Variants in NHSL2 observed in about 807,000 individuals in gnomAD.
NHSL2 encodes NHS-like protein 2.
NHSL2 carries 27 observed loss-of-function variants against 53.4 expected under a neutral mutation model. That is an observed-to-expected ratio of 0.51 (90% CI 0.37 to 0.70). The LOEUF (loss-of-function observed/expected upper bound fraction) is 0.70, where lower values mean the gene tolerates loss of function less well. NHSL2 is among the 30% of genes least tolerant of loss of function. The pLI, the probability that NHSL2 is intolerant of heterozygous loss-of-function variation, is 0.00. For missense variants in NHSL2, 892 were observed against 980.1 expected, an observed-to-expected ratio of 0.91 and a Z score of 1.20; for synonymous variants, 408 against 404.1, an observed-to-expected ratio of 1.01 and a Z score of -0.12.
chrX:72,045,257 A>C (rs1220810504), intron 1 of NHSL2, among the ~76,000 whole-genome samples: 4 of 112,355 alleles, frequency 3.6e-5, no homozygotes, highest in Non-Finnish European at 1.9e-5. Flanking sequence ...GCAGGGGAGC[A>C]GGGTGAAATA....
At chrX:72,063,585 A>G (rs1367646749) in intron 1 of NHSL2, among the ~76,000 whole-genome samples, 1 of 111,839 alleles carries the variant, frequency 8.9e-6, no homozygotes. Flanking sequence ...AATTCAATCC[A>G]ATTCACAGAT....
At chrX:71,954,093 A>G (rs1268230359) in intron 1 of NHSL2, among the ~76,000 whole-genome samples, 3 of 112,332 alleles carry the variant, frequency 2.7e-5, no homozygotes, top group Non-Finnish European at 3.8e-5. Context: ...CCATTATGTT[A>G]CAGGCATTCC....
chrX:71,930,484 A>G (rs1363909560), intron 1 of NHSL2, among the ~76,000 whole-genome samples: 1 of 112,703 alleles, frequency 8.9e-6, no homozygotes, highest in Non-Finnish European at 1.9e-5. Context: ...CATCACCACA[A>G]TCAATTTTAG....
At chrX:71,943,596 A>G (rs1448147559) in intron 1 of NHSL2, among the ~76,000 whole-genome samples, 1 of 112,131 alleles carries the variant, frequency 8.9e-6, no homozygotes. Flanking sequence ...AGTCCTTTCC[A>G]TTTGGTTACT....
chrX:72,106,137 G>A (rs188580885), intron 1 of NHSL2, among the ~76,000 whole-genome samples: 6 of 111,031 alleles, frequency 5.4e-5, no homozygotes, highest in Non-Finnish European at 1.1e-4. Flanking sequence ...TGAACCCCGG[G>A]GGGGCAGAGC....
intron 1 of NHSL2, among the ~76,000 whole-genome samples, chrX:72,115,773 C>T (rs946184345): frequency 9.0e-6 from 1 of 111,553 alleles, no homozygotes; most frequent in South Asian, 3.7e-4. Flanking sequence ...TTCCTGGCCA[C>T]TGTAAGGGCT....
intron 1 of NHSL2, among the ~76,000 whole-genome samples, chrX:72,076,272 T>C (rs1343803352): frequency 9.0e-6 from 1 of 111,658 alleles, no homozygotes; most frequent in Non-Finnish European, 1.9e-5. Flanking sequence ...CATATTATTA[T>C]TTTTGCATGG....
At chrX:72,130,126 G>C in intron 1 of NHSL2, 2 of 1,210,817 alleles carry the variant, frequency 1.7e-6, no homozygotes, top group Non-Finnish European at 2.2e-6. Flanking sequence ...AACAAAGGTC[G>C]GCTCCATCTC....
In NHSL2 at chrX:72,143,337, C is replaced by T; in HGVS notation, c.3441C>T (p.Asn1147=). Residue 1147 remains asparagine (N), a synonymous_variant, in exon 8 of 8, where the codon AAC becomes AAT. Coordinates refer to ENST00000633930, the MANE Select transcript of NHSL2 (RefSeq NM_001013627.3). ...GRTSSHSPIK[N]TAESPISEST... ...CGAGTTCCCACTCACCAATAAAGAA[C>T]ACAGCTGAGTCTCCAATCAGTGAGT... 8.6e-7 allele frequency: 1 copy of T among 1,166,314 alleles called. No homozygotes were observed. The highest frequency in any genetic ancestry group is 1.1e-6 in the Non-Finnish European group (1 of 871,770).
rs1235095981 is a variant in NHSL2, at chrX:72,131,139, G to T, written c.281-940G>T. The T allele has an allele frequency of 6.7e-6, 8 of 1,189,710 alleles. No homozygotes were observed. The African/African-American group carries it at 1.4e-4, about 21-fold the overall frequency. Reference sequence around the variant, plus strand: ...GTTGCGGGGGCGGTTCCTTTGACGCGGGCGGAGGCAGCGCCGGCGGGGGCG... The same window carrying T: ...GTTGCGGGGGCGGTTCCTTTGACGCTGGCGGAGGCAGCGCCGGCGGGGGCG... On this transcript the variant is annotated intron_variant, in intron 1 of 7. Transcript: ENST00000633930.
chrX:72,102,432 TA>T (rs2042002768), intron 1 of NHSL2, among the ~76,000 whole-genome samples: 1 of 111,814 alleles, frequency 8.9e-6, no homozygotes, highest in Non-Finnish European at 1.9e-5. Context: ...ATTTCCTGTA[TA>T]TATAATCTTA....
At chrX:72,110,461 T>G (rs763171241) in intron 1 of NHSL2, among the ~76,000 whole-genome samples, 1 of 110,356 alleles carries the variant, frequency 9.1e-6, no homozygotes, top group Non-Finnish European at 1.9e-5. Context: ...AATGAGTAAA[T>G]TTATGAAGGA....
intron 1 of NHSL2, among the ~76,000 whole-genome samples, chrX:72,126,211 G>A (rs1014354463): frequency 4.5e-5 from 5 of 111,854 alleles, no homozygotes; most frequent in African/African-American, 1.6e-4. Flanking sequence ...ACCAGGGTTT[G>A]TTTCCCCCAC....
intron 1 of NHSL2, among the ~76,000 whole-genome samples, chrX:72,090,447 T>G (rs1193415965): frequency 8.9e-6 from 1 of 112,115 alleles, no homozygotes; most frequent in Non-Finnish European, 1.9e-5. Context: ...ATGGACATCT[T>G]TCTATGGCAG....
chrX:72,028,738 C>T (rs2042199080), intron 1 of NHSL2, among the ~76,000 whole-genome samples: 1 of 112,276 alleles, frequency 8.9e-6, no homozygotes, highest in South Asian at 3.7e-4. Flanking sequence ...AACATTACCT[C>T]AGCCACTGGG....
chrX:72,050,647 A>T (rs1462324389), intron 1 of NHSL2, among the ~76,000 whole-genome samples: 1 of 111,359 alleles, frequency 9.0e-6, no homozygotes, highest in East Asian at 2.8e-4. Context: ...TAATCCCAGC[A>T]CTTTGGGAGC....
At chrX:72,057,411 A>G (rs1162616043) in intron 1 of NHSL2, among the ~76,000 whole-genome samples, 2 of 111,950 alleles carry the variant, frequency 1.8e-5, no homozygotes, top group Non-Finnish European at 3.8e-5. Flanking sequence ...TCCATAGATC[A>G]TATTCTGTTT....
intron 1 of NHSL2, among the ~76,000 whole-genome samples, chrX:71,913,945 G>A (rs763806234): frequency 8.9e-6 from 1 of 112,858 alleles, no homozygotes; most frequent in Non-Finnish European, 1.9e-5. Context: ...CATCTTCAAG[G>A]TTACAGGGGT....
chrX:71,953,314 A>C (rs1323314766), intron 1 of NHSL2, among the ~76,000 whole-genome samples: 1 of 112,338 alleles, frequency 8.9e-6, no homozygotes, highest in Non-Finnish European at 1.9e-5. Flanking sequence ...GTGGGAGTCC[A>C]TCTCGTGCTT....
Sources: gnomAD v4.1 joint callset for allele counts (sites outside exome capture counted in the v4.1 genomes callset) on GRCh38, gnomAD v4.1.1 for gene constraint, MANE v1.5 for transcripts, NCBI Gene and HGNC (gene_info 2026-07-23, HGNC 2026-07-21) for gene names.